OR56A3: variants seen among roughly 807,000 people sequenced by gnomAD.
The protein encoded by OR56A3 is olfactory receptor 56A3.
OR56A3 carries 23 observed loss-of-function variants against 17.5 expected under a neutral mutation model. That is an observed-to-expected ratio of 1.32 (90% CI 0.95 to 1.87). The LOEUF (loss-of-function observed/expected upper bound fraction) is 1.87. Among genes scored for constraint, OR56A3 ranks in the 40% most tolerant of loss-of-function variants. OR56A3 has a pLI of 0.00. For missense variants in OR56A3, 366 were observed against 380.1 expected, an observed-to-expected ratio of 0.96 and a Z score of 0.31; for synonymous variants, 175 against 150.6, an observed-to-expected ratio of 1.16 and a Z score of -1.19.
At chr11:6,014,989 CAAAAAAAAA>C in the OR56A3 span, among the ~76,000 whole-genome samples, 46 of 35,204 alleles carry the variant, frequency 1.3e-3, no homozygotes, top group Middle Eastern at 0.11. Context: ...TATTCATGGG[CAAAAAAAAA>C]AAAAAAAAAA....
the OR56A3 span, among the ~76,000 whole-genome samples, chr11:6,017,303 A>G: frequency 6.6e-6 from 1 of 152,358 alleles, no homozygotes; most frequent in South Asian, 2.1e-4. Context: ...ATATCTAGAT[A>G]TAGGAAGCTC....
the OR56A3 span, among the ~76,000 whole-genome samples, chr11:6,004,643 TTAAAAC>T: frequency 2.6e-5 from 4 of 152,260 alleles, no homozygotes; most frequent in Admixed American, 2.6e-4. Context: ...AATTCAGGAG[TTAAAAC>T]TGGAATAGGC....
intron 1 of OR56A3, chr11:5,943,479 T>C (rs1484964237): frequency 1.3e-5 from 2 of 149,218 alleles, no homozygotes; most frequent in African/African-American, 4.9e-5. Context: ...GAAAAGCTAC[T>C]TGGAAAGGTA....
chr11:5,994,597 A>G, the OR56A3 span: 1 of 808,556 alleles, frequency 1.2e-6, no homozygotes, highest in Non-Finnish European at 2.2e-6. Context: ...TGGTGTCATC[A>G]ATGACCTTGT....
chr11:6,002,259 C>A, the OR56A3 span: 4 of 1,614,080 alleles, frequency 2.5e-6, no homozygotes, highest in Non-Finnish European at 2.5e-6. Flanking sequence ...GAAGTGGGAA[C>A]CACACGTGCT....
intron 2 of OR56A3, among the ~76,000 whole-genome samples, chr11:5,946,356 T>G (rs993146483): frequency 2.6e-5 from 4 of 152,348 alleles, no homozygotes; most frequent in South Asian, 2.1e-4. Context: ...CAGTTTCTTA[T>G]TAAATTTTGT....
At chr11:5,971,211 T>C in the OR56A3 span, among the ~76,000 whole-genome samples, 35 of 152,290 alleles carry the variant, frequency 2.3e-4, no homozygotes, top group East Asian at 6.0e-3. Flanking sequence ...GTCATTGCCT[T>C]CATACATACA....
the OR56A3 span, among the ~76,000 whole-genome samples, chr11:5,997,221 T>C: frequency 6.6e-6 from 1 of 152,188 alleles, no homozygotes; most frequent in African/African-American, 2.4e-5. Context: ...GATTTTGGGA[T>C]ATTGGCAATA....
chr11:5,965,419 A>G, the OR56A3 span, among the ~76,000 whole-genome samples: 1 of 152,208 alleles, frequency 6.6e-6, no homozygotes, highest in Non-Finnish European at 1.5e-5. Context: ...CTGGAACATA[A>G]ATAAAAATCA....
the OR56A3 span, among the ~76,000 whole-genome samples, chr11:6,013,274 C>A: frequency 2.6e-5 from 4 of 152,206 alleles, no homozygotes; most frequent in Admixed American, 2.6e-4. Flanking sequence ...TGGGCACAGG[C>A]TGGCATTGGA....
At chr11:6,011,419 G>T in the OR56A3 span, among the ~76,000 whole-genome samples, 1 of 152,084 alleles carries the variant, frequency 6.6e-6, no homozygotes, top group Admixed American at 6.5e-5. Context: ...TGTTAGCTCT[G>T]TTCATGCAAT....
chr11:5,989,375 G>A, the OR56A3 span, among the ~76,000 whole-genome samples: 1 of 152,140 alleles, frequency 6.6e-6, no homozygotes, highest in Admixed American at 6.5e-5. Context: ...AACCAAACTA[G>A]CCCTGGGGCT....
chr11:5,995,004 G>C, the OR56A3 span: 3 of 671,644 alleles, frequency 4.5e-6, no homozygotes, highest in East Asian at 2.7e-5. Flanking sequence ...CCTGGAAGCT[G>C]GTGGACCAGA....
chr11:5,993,862 G>T, the OR56A3 span: 2 of 482,846 alleles, frequency 4.1e-6, no homozygotes, highest in Non-Finnish European at 7.5e-6. Flanking sequence ...AGGGTACTCT[G>T]CCTCTGCTGG....
the OR56A3 span, among the ~76,000 whole-genome samples, chr11:6,007,990 G>A: frequency 6.6e-5 from 10 of 152,150 alleles, no homozygotes; most frequent in South Asian, 2.1e-4. Context: ...GTGTGGTTTC[G>A]GACAATGCAA....
the OR56A3 span, among the ~76,000 whole-genome samples, chr11:6,005,052 G>A: frequency 5.4e-4 from 82 of 152,218 alleles, no homozygotes; most frequent in South Asian, 0.016. Flanking sequence ...TTAAAAGTTA[G>A]CCTCAAGCAG....
At chr11:5,998,632 C>T in the OR56A3 span, among the ~76,000 whole-genome samples, 5 of 152,024 alleles carry the variant, frequency 3.3e-5, no homozygotes, top group Admixed American at 3.3e-4. Context: ...TATTCTACCC[C>T]AAGAAGAAAA....
At chr11:6,007,752 A>G in the OR56A3 span, among the ~76,000 whole-genome samples, 5 of 152,146 alleles carry the variant, frequency 3.3e-5, no homozygotes, top group African/African-American at 1.2e-4. Context: ...CAGCACTGTA[A>G]CTCTAGAGGG....
At chr11:5,962,468 T>C in the OR56A3 span, among the ~76,000 whole-genome samples, 6 of 152,152 alleles carry the variant, frequency 3.9e-5, no homozygotes, top group Non-Finnish European at 5.9e-5. Context: ...GAAGAATTGA[T>C]GTTAGTTCTT....
Sources: allele counts gnomAD v4.1 joint callset (sites outside exome capture counted in the v4.1 genomes callset), GRCh38; gene constraint gnomAD v4.1.1; transcripts MANE v1.5; gene names NCBI Gene and HGNC (gene_info 2026-07-23, HGNC 2026-07-21).